The following MAPKAP1 variants were observed in gnomAD, a reference collection of about 807,000 sequenced individuals.
MAPKAP1 encodes target of rapamycin complex 2 subunit MAPKAP1.
Under a neutral mutation model 65.7 loss-of-function variants are expected in MAPKAP1, and 20 were observed. The ratio of observed to expected loss-of-function variants is 0.30; its 90% confidence interval spans 0.21 to 0.44. The LOEUF (loss-of-function observed/expected upper bound fraction) is 0.44. Among genes scored for constraint, MAPKAP1 ranks in the 20% least tolerant of loss-of-function variants. The pLI is 1.00. For missense variants in MAPKAP1, 423 were observed against 648.0 expected, an observed-to-expected ratio of 0.65 and a Z score of 3.77; for synonymous variants, 222 against 244.3, an observed-to-expected ratio of 0.91 and a Z score of 0.85.
chr9:125,682,925 CT>C (rs1834865083), intron 1 of MAPKAP1, among the ~76,000 whole-genome samples: 1 of 151,484 alleles, frequency 6.6e-6, no homozygotes, highest in South Asian at 2.1e-4. Context: ...CATGGATCTT[CT>C]GAGGGTGGAC....
At chr9:125,693,724 T>C (rs1376624061) in intron 1 of MAPKAP1, among the ~76,000 whole-genome samples, 1 of 137,964 alleles carries the variant, frequency 7.2e-6, no homozygotes, top group South Asian at 2.1e-4. Flanking sequence ...TATACACGTA[T>C]ATACACATAT....
At chr9:125,478,861 G>A (rs1341092398) in intron 9 of MAPKAP1, among the ~76,000 whole-genome samples, 1 of 152,184 alleles carries the variant, frequency 6.6e-6, no homozygotes, top group African/African-American at 2.4e-5. Flanking sequence ...CATGAAGTGG[G>A]AACAACAATA....
At chr9:125,693,821 A>C (rs1432873309) in intron 1 of MAPKAP1, among the ~76,000 whole-genome samples, 2 of 130,752 alleles carry the variant, frequency 1.5e-5, no homozygotes, top group African/African-American at 5.8e-5. Context: ...ACACATATAC[A>C]CACACACACA....
rs1051833636 is a variant in MAPKAP1, at chr9:125,506,293, C to T, written c.1066+17G>A. On this transcript the variant is annotated intron_variant, in intron 8 of 11. Transcript: ENST00000265960. ...TGCAACGGACAAAGCGGGCATGGAG[C>T]GAGGCGGCCAACGTACTGTTCTCGC... is the stretch of plus-strand genomic sequence containing the variant. 9.3e-6 allele frequency: 15 copies of T among 1,604,742 alleles called. No homozygotes were observed. The highest frequency in any genetic ancestry group is 3.3e-4 in the Middle Eastern group (2 of 6,072).
At chr9:125,543,194 C>A in intron 6 of MAPKAP1, 26 bp from the exon 7 acceptor site, 2 of 1,449,008 alleles carry the variant, frequency 1.4e-6, no homozygotes, top group East Asian at 2.3e-5. Context: ...AATATTAAAT[C>A]ATCACCAACA....
chr9:125,669,796 A>C, intron 3 of MAPKAP1, 22 bp downstream of exon 3: 1 of 1,239,422 alleles, frequency 8.1e-7, no homozygotes, highest in South Asian at 1.4e-5. Flanking sequence ...TCAAATTAAG[A>C]ATTAAAATCA....
chr9:125,553,083 T>G (rs58448487), intron 6 of MAPKAP1, among the ~76,000 whole-genome samples: 4,446 of 151,888 alleles, frequency 0.029, 73 homozygotes, highest in African/African-American at 0.05. Context: ...TGTGTGTGTG[T>G]GGGGGGGTGT....
chr9:125,698,194 CATAT>C (rs1835443165), intron 1 of MAPKAP1, among the ~76,000 whole-genome samples: 1 of 145,612 alleles, frequency 6.9e-6, no homozygotes, highest in African/African-American at 2.5e-5. Flanking sequence ...TATACACACA[CATAT>C]GTGTATATAT....
chr9:125,465,476 T>C (rs1853637480), intron 10 of MAPKAP1, among the ~76,000 whole-genome samples: 1 of 152,266 alleles, frequency 6.6e-6, no homozygotes, highest in Non-Finnish European at 1.5e-5. Flanking sequence ...ATTGAGTCAC[T>C]GAATTAATTT....
chr9:125,628,014 G>A (rs902734921), intron 4 of MAPKAP1, among the ~76,000 whole-genome samples: 4 of 152,198 alleles, frequency 2.6e-5, no homozygotes, highest in Non-Finnish European at 5.9e-5. Context: ...ACTACTGAAT[G>A]TTAGGGTCTG....
intron 1 of MAPKAP1, among the ~76,000 whole-genome samples, chr9:125,693,830 CATATATAT>C (rs1216463261): frequency 0.02 from 2,014 of 100,360 alleles, 40 homozygotes; most frequent in Middle Eastern, 0.041. Context: ...CACACACACA[CATATATAT>C]ACACACATAC....
chr9:125,650,798 C>T (rs1349290489), intron 4 of MAPKAP1, among the ~76,000 whole-genome samples: 1 of 152,042 alleles, frequency 6.6e-6, no homozygotes, highest in Admixed American at 6.6e-5. Flanking sequence ...AGTAGAATGC[C>T]GAAAACATTT....
At chr9:125,553,238 C>T (rs1391112946) in intron 6 of MAPKAP1, among the ~76,000 whole-genome samples, 1 of 152,094 alleles carries the variant, frequency 6.6e-6, no homozygotes, top group East Asian at 1.9e-4. Flanking sequence ...CAAATGTGAA[C>T]AAGAAATAAA....
intron 4 of MAPKAP1, among the ~76,000 whole-genome samples, chr9:125,589,449 G>A (rs1010966592): frequency 3.3e-5 from 5 of 152,164 alleles, no homozygotes; most frequent in African/African-American, 1.2e-4. Flanking sequence ...TTGAACTACA[G>A]AATGAATTTA....
chr9:125,440,121 C>T (rs553397351), intron 11 of MAPKAP1, among the ~76,000 whole-genome samples: 127 of 152,276 alleles, frequency 8.3e-4, no homozygotes, highest in South Asian at 2.5e-3. Context: ...GGGATGCACA[C>T]GCCCCAGTGC....
chr9:125,592,764 G>T (rs993797491), intron 4 of MAPKAP1, among the ~76,000 whole-genome samples: 2 of 151,886 alleles, frequency 1.3e-5, no homozygotes, highest in Non-Finnish European at 2.9e-5. Context: ...TTAGCCGGGC[G>T]TGGTGGTAGG....
intron 10 of MAPKAP1, among the ~76,000 whole-genome samples, chr9:125,458,460 C>T (rs894316985): frequency 1.3e-5 from 2 of 152,014 alleles, no homozygotes; most frequent in African/African-American, 4.8e-5. Context: ...TAACAAAGCA[C>T]ATCTTGCACC....
chr9:125,649,575 G>A (rs513568), intron 4 of MAPKAP1, among the ~76,000 whole-genome samples: 73,341 of 151,672 alleles, frequency 0.48, 18,458 homozygotes, highest in African/African-American at 0.64. Flanking sequence ...GCAATTCCTT[G>A]GCCAGTTTCA....
chr9:125,702,161 C>T (rs1472332870), intron 1 of MAPKAP1, among the ~76,000 whole-genome samples: 1 of 152,128 alleles, frequency 6.6e-6, no homozygotes, highest in East Asian at 1.9e-4. Flanking sequence ...ATTTGGGAGG[C>T]CATGGCAGGA....
Sources: allele counts gnomAD v4.1 joint callset (sites outside exome capture counted in the v4.1 genomes callset), GRCh38; gene constraint gnomAD v4.1.1; transcripts MANE v1.5; gene names NCBI Gene and HGNC (gene_info 2026-07-23, HGNC 2026-07-21).